The following ACTR3B variants were observed in gnomAD, a reference collection of about 807,000 sequenced individuals.
ACTR3B encodes the protein actin related protein 3B.
A neutral mutation model predicts 59.0 loss-of-function variants in ACTR3B; 8 were observed. The ratio of observed to expected loss-of-function variants is 0.14; its 90% CI spans 0.08 to 0.24. The LOEUF is 0.24. Among genes scored for constraint, ACTR3B ranks in the 10% least tolerant of loss-of-function variants. The pLI, the probability that ACTR3B is intolerant of heterozygous loss-of-function variation, is 1.00. For missense variants in ACTR3B, 245 were observed against 552.3 expected (o/e 0.44, Z 5.58); for synonymous variants, 148 against 197.9 (o/e 0.75, Z 2.12).
chr7:152,825,963 G>C (rs1029345814), intron 9 of ACTR3B, among the ~76,000 whole-genome samples: 1 of 152,178 alleles, frequency 6.6e-6, no homozygotes, highest in Admixed American at 6.5e-5. Flanking sequence ...CTGACAGCCC[G>C]AGATGGTGAG....
intron 9 of ACTR3B, among the ~76,000 whole-genome samples, chr7:152,840,341 C>T (rs1375414214): frequency 6.6e-6 from 1 of 151,766 alleles, no homozygotes; most frequent in African/African-American, 2.4e-5. Flanking sequence ...AGAGAACCCA[C>T]TGTGCTTGTC....
intron 9 of ACTR3B, among the ~76,000 whole-genome samples, chr7:152,847,961 T>C (rs1798491699): frequency 6.6e-6 from 1 of 152,184 alleles, no homozygotes; most frequent in Non-Finnish European, 1.5e-5. Flanking sequence ...AACAGTCTTG[T>C]GAGTGAATAC....
intron 9 of ACTR3B, among the ~76,000 whole-genome samples, chr7:152,831,694 CT>C (rs1296498002): frequency 6.6e-6 from 1 of 152,206 alleles, no homozygotes; most frequent in African/African-American, 2.4e-5. Context: ...GCAGCAGGAT[CT>C]GTGTGCAGCA....
chr7:152,764,121 C>T (rs1166577454), intron 1 of ACTR3B, among the ~76,000 whole-genome samples: 2 of 151,434 alleles, frequency 1.3e-5, no homozygotes, highest in Non-Finnish European at 2.9e-5. Context: ...TTCTCCTGCC[C>T]CAGCCTCCTG....
chr7:152,775,996 T>C lies in ACTR3B; in HGVS notation c.45-7191T>C, dbSNP rs564597908. Among the ~76,000 whole-genome samples the C allele has an allele frequency of 2.6e-5, 4 of 152,046 alleles. No individual in the cohort carries two copies. The South Asian group carries it at 8.3e-4, about 32-fold the overall frequency. ...CAGCTATTGATTGGGTCTGCTTCCA[T>C]AGCTTCCTCTTCTGTCTTTCCTGAT... is the stretch of plus-strand genomic sequence containing the variant. On this transcript the variant is annotated intron_variant, in intron 1 of 11. Coordinates refer to ENST00000256001, the MANE Select transcript of ACTR3B (RefSeq NM_020445.6).
intron 1 of ACTR3B, among the ~76,000 whole-genome samples, chr7:152,768,733 C>T (rs554814277): frequency 7.8e-4 from 119 of 152,084 alleles, no homozygotes; most frequent in African/African-American, 2.8e-3. Flanking sequence ...ACCTTGGCCC[C>T]TCAAAGTGCT....
At chr7:152,764,193 G>A (rs1167998184) in intron 1 of ACTR3B, among the ~76,000 whole-genome samples, 1 of 151,766 alleles carries the variant, frequency 6.6e-6, no homozygotes, top group African/African-American at 2.4e-5. Flanking sequence ...TTTTAGTAGA[G>A]ATGGGGTTTT....
intron 1 of ACTR3B, among the ~76,000 whole-genome samples, chr7:152,767,980 C>G (rs187864799): frequency 1.3e-5 from 2 of 152,036 alleles, no homozygotes; most frequent in Admixed American, 6.6e-5. Flanking sequence ...AAGCACTTTG[C>G]GAGGCCGAAG....
At chr7:152,760,074 C>T (rs918191217) in intron 1 of ACTR3B, 148 bp downstream of exon 1, 121 of 624,024 alleles carry the variant, frequency 1.9e-4, no homozygotes, top group Non-Finnish European at 2.7e-4. Flanking sequence ...GCCGCCGCTT[C>T]CCTCCAAGCC....
At chr7:152,841,842 G>A (rs1797889630) in intron 9 of ACTR3B, among the ~76,000 whole-genome samples, 1 of 152,136 alleles carries the variant, frequency 6.6e-6, no homozygotes, top group Admixed American at 6.5e-5. Context: ...ACTCAGAGTG[G>A]CCCCTTGCCA....
chr7:152,812,360 A>G (rs955240036), intron 4 of ACTR3B: 2 of 95,472 alleles, frequency 2.1e-5, no homozygotes, highest in African/African-American at 5.6e-5. Context: ...TACATCTTAA[A>G]TGGCTTCATT....
At chr7:152,825,486 T>C (rs886908257) in intron 9 of ACTR3B, among the ~76,000 whole-genome samples, 1 of 151,968 alleles carries the variant, frequency 6.6e-6, no homozygotes, top group African/African-American at 2.4e-5. Flanking sequence ...GAATTTTTTT[T>C]TTTGTATTTC....
chr7:152,849,898 G>A (rs555909172), intron 9 of ACTR3B, among the ~76,000 whole-genome samples: 1 of 152,362 alleles, frequency 6.6e-6, no homozygotes, highest in South Asian at 2.1e-4. Flanking sequence ...TGAAAGGCCA[G>A]ATCCCTGGTG....
intron 9 of ACTR3B, among the ~76,000 whole-genome samples, chr7:152,842,755 G>C (rs116449477): frequency 0.067 from 10,250 of 152,148 alleles, 467 homozygotes; most frequent in South Asian, 0.12. Flanking sequence ...GAAATGTACT[G>C]AGTGTCTGCT....
At chr7:152,818,857 T>C (rs1416540365) in intron 6 of ACTR3B, among the ~76,000 whole-genome samples, 1 of 152,248 alleles carries the variant, frequency 6.6e-6, no homozygotes, top group Non-Finnish European at 1.5e-5. Context: ...TATAATACAA[T>C]CCTAAGGTTA....
intron 9 of ACTR3B, among the ~76,000 whole-genome samples, chr7:152,834,281 GT>G (rs1228145380): frequency 1.3e-5 from 2 of 151,690 alleles, no homozygotes; most frequent in African/African-American, 4.8e-5. Context: ...AGCCTCCCAA[GT>G]AGCTGGGATT....
At position 152,759,935 on chromosome 7, in the gene ACTR3B, A is replaced by G; in HGVS notation, c.44+9A>G. 7.3e-7 allele frequency: 1 copy of G among 1,374,858 alleles called. No homozygotes were observed. Among genetic ancestry groups the G allele is most frequent in the Non-Finnish European group, 9.5e-7 (1 of 1,054,612 alleles). 85.2% of individuals were successfully genotyped at this position (1,374,858 alleles called of 1,614,324 possible). A position where few individuals can be genotyped will look rare whatever the true frequency, so the allele number is the denominator to read the frequency against. On this transcript the variant is annotated intron_variant, in intron 1 of 11. Transcript: ENST00000256001. ...GTGGACTGTGGCACCGGGTAAGAGC[A>G]GCTCGGCGCCCACCCCCGCTCCTCC...
At chr7:152,782,425 C>G (rs1045829504) in intron 1 of ACTR3B, among the ~76,000 whole-genome samples, 2 of 152,018 alleles carry the variant, frequency 1.3e-5, no homozygotes, top group Non-Finnish European at 2.9e-5. Context: ...CACCACCCCC[C>G]CTTTTATATT....
chr7:152,827,581 C>T (rs571451092), intron 9 of ACTR3B, among the ~76,000 whole-genome samples: 9 of 151,496 alleles, frequency 5.9e-5, no homozygotes, highest in Admixed American at 1.3e-4. Context: ...CTGGTGTGGT[C>T]GGCAGTAGGC....
Sources: gnomAD v4.1 joint callset for allele counts (sites outside exome capture counted in the v4.1 genomes callset) on GRCh38, gnomAD v4.1.1 for gene constraint, MANE v1.5 for transcripts, NCBI Gene and HGNC (gene_info 2026-07-23, HGNC 2026-07-21) for gene names.